The following ZDHHC14 variants were observed in gnomAD, a reference collection of about 807,000 sequenced individuals.
ZDHHC14 encodes palmitoyltransferase ZDHHC14.
Under a neutral mutation model 47.7 loss-of-function variants are expected in ZDHHC14, and 16 were observed. That is an observed-to-expected ratio of 0.34 (90% CI 0.23 to 0.51). The LOEUF (loss-of-function observed/expected upper bound fraction) is 0.51, where lower values mean the gene tolerates loss of function less well. Among genes scored for constraint, ZDHHC14 ranks in the 20% least tolerant of loss-of-function variants. ZDHHC14 has a pLI of 0.97. For synonymous variants in ZDHHC14, 293 were observed against 278.9 expected, an observed-to-expected ratio of 1.05 and a Z score of -0.50; for missense variants, 515 against 662.5, an observed-to-expected ratio of 0.78 and a Z score of 2.44.
At chr6:157,637,651 G>GA (rs2114968069) in intron 5 of ZDHHC14, among the ~76,000 whole-genome samples, 1 of 152,302 alleles carries the variant, frequency 6.6e-6, no homozygotes, top group African/African-American at 2.4e-5. Context: ...CACAGGACTG[G>GA]AGTCTAGAGG....
chr6:157,557,061 C>T (rs144399218), intron 2 of ZDHHC14, among the ~76,000 whole-genome samples: 504 of 152,298 alleles, frequency 3.3e-3, no homozygotes, highest in African/African-American at 0.012. Flanking sequence ...CATGCCACTC[C>T]GGGCTGTGTC....
At chr6:157,469,376 T>C (rs1382457667) in intron 1 of ZDHHC14, among the ~76,000 whole-genome samples, 1 of 152,224 alleles carries the variant, frequency 6.6e-6, no homozygotes, top group African/African-American at 2.4e-5. Context: ...AGGCAGACTT[T>C]TGGGGCAGTT....
At chr6:157,581,930 C>G (rs1177582487) in intron 2 of ZDHHC14, among the ~76,000 whole-genome samples, 1 of 151,942 alleles carries the variant, frequency 6.6e-6, no homozygotes, top group East Asian at 1.9e-4. Flanking sequence ...GGGTCTTGCA[C>G]TGTCACCCAG....
chr6:157,580,394 G>A (rs1783469031), intron 2 of ZDHHC14, among the ~76,000 whole-genome samples: 2 of 152,112 alleles, frequency 1.3e-5, no homozygotes, highest in Admixed American at 1.3e-4. Context: ...TTTGTATCAG[G>A]ATGATGCTGG....
intron 1 of ZDHHC14, among the ~76,000 whole-genome samples, chr6:157,395,487 C>T (rs1777503127): frequency 6.6e-6 from 1 of 152,000 alleles, no homozygotes; most frequent in South Asian, 2.1e-4. Context: ...ATTGTTCCTT[C>T]ACTCTAGCCT....
chr6:157,594,067 G>C (rs1784022348), intron 3 of ZDHHC14, among the ~76,000 whole-genome samples: 1 of 152,218 alleles, frequency 6.6e-6, no homozygotes, highest in Non-Finnish European at 1.5e-5. Flanking sequence ...GTGCACCTCA[G>C]AACAAACCTA....
At chr6:157,589,914 T>C (rs963804327) in intron 2 of ZDHHC14, among the ~76,000 whole-genome samples, 1 of 152,196 alleles carries the variant, frequency 6.6e-6, no homozygotes, top group African/African-American at 2.4e-5. Context: ...TGAATGGCTT[T>C]GACCAAAATG....
chr6:157,596,864 A>G (rs1784154265), intron 3 of ZDHHC14, among the ~76,000 whole-genome samples: 1 of 152,222 alleles, frequency 6.6e-6, no homozygotes, highest in Admixed American at 6.5e-5. Context: ...GAATGCCACC[A>G]TCGGTGCTCC....
chr6:157,389,198 A>G (rs1210244290), intron 1 of ZDHHC14, among the ~76,000 whole-genome samples: 1 of 152,172 alleles, frequency 6.6e-6, no homozygotes, highest in Non-Finnish European at 1.5e-5. Context: ...ACTTCCAGAA[A>G]GGTTGCAAGA....
chr6:157,468,970 G>A (rs1779289894), intron 1 of ZDHHC14, among the ~76,000 whole-genome samples: 1 of 152,164 alleles, frequency 6.6e-6, no homozygotes, highest in Admixed American at 6.5e-5. Context: ...TATTCCCCTA[G>A]GGCCATCTTC....
intron 1 of ZDHHC14, among the ~76,000 whole-genome samples, chr6:157,412,604 G>C (rs183521083): frequency 6.6e-6 from 1 of 152,300 alleles, no homozygotes; most frequent in South Asian, 2.1e-4. Context: ...ATAGAATGCA[G>C]TTTGCAGTGG....
intron 2 of ZDHHC14, among the ~76,000 whole-genome samples, chr6:157,543,075 G>GTTGC (rs1781835743): frequency 6.6e-6 from 1 of 152,142 alleles, no homozygotes; most frequent in Non-Finnish European, 1.5e-5. Context: ...ACAGTTGTAG[G>GTTGC]TTGCTGCCCT....
Position 157,672,727 on chromosome 6 carries a change from G to T in ZDHHC14, c.1072G>T (p.Asp358Tyr). 1 of 1,607,956 alleles carries T rather than the reference G, an allele frequency of 6.2e-7. No homozygotes were observed. The highest frequency in any genetic ancestry group is 1.1e-5 in the South Asian group (1 of 90,504). Residue 358 changes from aspartate to tyrosine, a missense_variant, in exon 9 of 9, where the codon GAC (aspartate) becomes TAC (tyrosine). Transcript: ENST00000359775. ...GCTGGCGCCTCCCGCTCTCCAGTGC[G>T]ACCAAGACCAGTGCATTCAGAGCAC... ...GATQSQSDMC[D>Y]QDQCIQSTKF... is the part of the protein sequence containing the mutation.
At chr6:157,517,445 G>A (rs1780737782) in intron 1 of ZDHHC14, among the ~76,000 whole-genome samples, 2 of 151,960 alleles carry the variant, frequency 1.3e-5, no homozygotes, top group African/African-American at 4.8e-5. Context: ...CGAGTAGCTG[G>A]GATTACAGGT....
rs138374635 is a variant in ZDHHC14, at chr6:157,659,042, T to C, written c.1068+5415T>C. On this transcript the variant is annotated intron_variant, in intron 8 of 8. Transcript: ENST00000359775. ...CCCTTGGGTCAGTCTCAGTGGTATG[T>C]GTCTTTCTAGGAATTTATCCATTTC... 4.8e-3 allele frequency among the ~76,000 whole-genome samples: 727 copies of C among 152,374 alleles called. 3 individuals are homozygous for C. Among genetic ancestry groups the C allele is most frequent in the African/African-American group, 0.016 (676 of 41,590 alleles).
chr6:157,617,317 C>T lies in ZDHHC14; in HGVS notation c.566-11032C>T, dbSNP rs146557256. On this transcript the variant is annotated intron_variant, in intron 3 of 8. Coordinates refer to ENST00000359775, the MANE Select transcript of ZDHHC14 (RefSeq NM_024630.3). Reference sequence around the variant, plus strand: ...CCTTATATCTTAACAATAATAGTAACGAGGTTGCGTCTTCAGTTTCAACTC... The same window carrying T: ...CCTTATATCTTAACAATAATAGTAATGAGGTTGCGTCTTCAGTTTCAACTC... Among the ~76,000 whole-genome samples the T allele has an allele frequency of 3.9e-3, 596 of 152,192 alleles. 9 individuals are homozygous for T. Among genetic ancestry groups the T allele is most frequent in the African/African-American group, 0.013 (560 of 41,510 alleles).
chr6:157,670,420 A>G (rs1012390337), intron 8 of ZDHHC14, among the ~76,000 whole-genome samples: 2 of 152,194 alleles, frequency 1.3e-5, no homozygotes. Flanking sequence ...CAGCCTCCTG[A>G]GAAGCTGGGA....
At chr6:157,385,282 G>C (rs1777289166) in intron 1 of ZDHHC14, among the ~76,000 whole-genome samples, 1 of 150,004 alleles carries the variant, frequency 6.7e-6, no homozygotes, top group Non-Finnish European at 1.5e-5. Context: ...AGAGACATAG[G>C]GGTCTCACTA....
intron 1 of ZDHHC14, among the ~76,000 whole-genome samples, chr6:157,507,197 A>C (rs1029584989): frequency 2.0e-5 from 3 of 152,126 alleles, no homozygotes; most frequent in Non-Finnish European, 4.4e-5. Flanking sequence ...CAGATTTTTA[A>C]ATTATTTTGC....
Sources: allele counts gnomAD v4.1 joint callset (sites outside exome capture counted in the v4.1 genomes callset), GRCh38; gene constraint gnomAD v4.1.1; transcripts MANE v1.5; gene names NCBI Gene and HGNC (gene_info 2026-07-23, HGNC 2026-07-21).